Variants in BIRC6 observed in about 807,000 individuals in gnomAD.
BIRC6 encodes the protein baculoviral IAP repeat containing 6, also known as dual E2 ubiquitin-conjugating enzyme/E3 ubiquitin-protein ligase BIRC6.
A neutral mutation model predicts 503.3 loss-of-function variants in BIRC6; 98 were observed. That is an observed-to-expected ratio of 0.19 (90% CI 0.17 to 0.23). BIRC6 has a LOEUF of 0.23. Ranked by LOEUF, BIRC6 falls within the 10% of genes least tolerant of loss-of-function variation. The pLI is 1.00. For missense variants in BIRC6, 5,360 were observed against 5,806.0 expected (o/e 0.92, Z 2.50); for synonymous variants, 2,240 against 2,078.7 (o/e 1.08, Z -2.11).
chr2:32,467,533 A>C lies in BIRC6; in HGVS notation c.5365A>C (p.Arg1789=). The C allele has an allele frequency of 6.2e-7, 1 of 1,613,766 alleles. No homozygotes were observed. The highest frequency in any genetic ancestry group is 2.2e-5 in the East Asian group (1 of 44,854). Residue 1789 remains arginine, a synonymous_variant, in exon 27 of 74, where the codon AGA becomes CGA. Coordinates refer to ENST00000421745, the MANE Select transcript of BIRC6 (RefSeq NM_016252.4). ...IIERMHSGAR[R]FVTLDFGRPI... ...TCTTCTTTCTCTCATAGGAGCAAGAAGATTTGTGACCTTGGATTTTGGGAG... is the reference window on the plus strand; with the variant it reads ...TCTTCTTTCTCTCATAGGAGCAAGACGATTTGTGACCTTGGATTTTGGGAG...
chr2:32,464,453 C>T (rs1247137725), intron 24 of BIRC6, 56 bp from the exon 25 acceptor site: 9 of 1,475,486 alleles, frequency 6.1e-6, no homozygotes, highest in Non-Finnish European at 8.1e-6. Context: ...TGGTATTCTG[C>T]CACAATTTAG....
chr2:32,383,193 C>T (rs764641946), intron 3 of BIRC6, among the ~76,000 whole-genome samples: 132 of 151,418 alleles, frequency 8.7e-4, no homozygotes, highest in South Asian at 1.5e-3. Context: ...ATTACAGGCG[C>T]GTGCCACCAC....
At chr2:32,550,396 C>T (rs563842886) in intron 65 of BIRC6, among the ~76,000 whole-genome samples, 2 of 152,102 alleles carry the variant, frequency 1.3e-5, no homozygotes, top group East Asian at 1.9e-4. Context: ...TTTAAAAATA[C>T]GCTATTTCCC....
rs563548642 is a variant in BIRC6, at chr2:32,599,200, A to G, written c.13831-539A>G. Among the ~76,000 whole-genome samples the G allele has an allele frequency of 3.3e-3, 496 of 151,584 alleles. 4 individuals are homozygous for G. Among genetic ancestry groups the G allele is most frequent in the African/African-American group, 0.011 (467 of 41,334 alleles). On this transcript the variant is annotated intron_variant, in intron 69 of 73. Transcript: ENST00000421745. ...AAAAATTAGCCAGGCATGGTGGTGC[A>G]TGCCTGTAATCTCAGCTACTCGGGA...
chr2:32,396,264 C>T (rs756477293), intron 6 of BIRC6, among the ~76,000 whole-genome samples: 54 of 152,112 alleles, frequency 3.6e-4, no homozygotes, highest in Non-Finnish European at 5.7e-4. Flanking sequence ...TCCAGTTTAA[C>T]CTTTACAGTC....
chr2:32,520,785 C>T (rs896109054), intron 57 of BIRC6, among the ~76,000 whole-genome samples: 1 of 152,168 alleles, frequency 6.6e-6, no homozygotes, highest in African/African-American at 2.4e-5. Context: ...CCACTGCACT[C>T]CAGCCTGGAC....
intron 66 of BIRC6, among the ~76,000 whole-genome samples, chr2:32,588,887 TAGC>T (rs1449515915): frequency 6.6e-6 from 1 of 152,218 alleles, no homozygotes; most frequent in Non-Finnish European, 1.5e-5. Context: ...TGGGACCCTT[TAGC>T]ATTTACAAGT....
At chr2:32,469,107 A>T (rs922795144) in intron 29 of BIRC6, among the ~76,000 whole-genome samples, 8 of 152,226 alleles carry the variant, frequency 5.3e-5, no homozygotes, top group African/African-American at 1.9e-4. Context: ...ATCATTTTCT[A>T]GCCAGGAGGT....
chr2:32,491,688 G>C (rs985367128), intron 44 of BIRC6, 130 bp downstream of exon 44: 1 of 1,029,050 alleles, frequency 9.7e-7, no homozygotes, highest in Non-Finnish European at 1.3e-6. Flanking sequence ...TAATAAAAAA[G>C]GTTTTGTTAT....
intron 1 of BIRC6, among the ~76,000 whole-genome samples, chr2:32,363,327 A>G (rs2034403178): frequency 6.6e-6 from 1 of 151,858 alleles, no homozygotes; most frequent in Non-Finnish European, 1.5e-5. Flanking sequence ...GTCTCAAACA[A>G]ACAAACAAAA....
At chr2:32,565,681 C>T (rs535475785) in intron 65 of BIRC6, 1 of 152,238 alleles carries the variant, frequency 6.6e-6, no homozygotes, top group South Asian at 2.1e-4. Flanking sequence ...CTGCCTGAGA[C>T]TGGGTGAATT....
At chr2:32,468,165 G>C in intron 28 of BIRC6, 54 bp downstream of exon 28, 1 of 1,520,270 alleles carries the variant, frequency 6.6e-7, no homozygotes, top group African/African-American at 1.4e-5. Context: ...TTTATATAAT[G>C]TCTTGCTTAT....
intron 45 of BIRC6, among the ~76,000 whole-genome samples, chr2:32,496,653 T>C (rs976958428): frequency 7.2e-5 from 11 of 152,218 alleles, no homozygotes; most frequent in African/African-American, 2.2e-4. Flanking sequence ...CTTTGTTCTT[T>C]ATTTTTAGAG....
rs114145626 is a variant in BIRC6 at position 32,591,036 on chromosome 2, T to C, written c.13356-2879T>C. Reference sequence around the variant, plus strand: ...ATGGGTTGACAGTAACCTGCAACTTTTATAGAAAAGAGACTACTGGCTATA... The same window carrying C: ...ATGGGTTGACAGTAACCTGCAACTTCTATAGAAAAGAGACTACTGGCTATA... On this transcript the variant is annotated intron_variant, in intron 66 of 73. Transcript: ENST00000421745. The C allele has an allele frequency of 1.6e-5, 15 of 937,724 alleles. No individual in the cohort carries two copies. The African/African-American group carries it at 2.7e-4, about 17-fold the overall frequency. 58.1% of individuals were successfully genotyped at this position (937,724 alleles called of 1,614,324 possible).
At chr2:32,412,853 C>G (rs1421522620) in intron 9 of BIRC6, among the ~76,000 whole-genome samples, 1 of 151,998 alleles carries the variant, frequency 6.6e-6, no homozygotes, top group East Asian at 1.9e-4. Context: ...GTAGTATTCT[C>G]TCTTTGGTTT....
intron 56 of BIRC6, among the ~76,000 whole-genome samples, chr2:32,518,606 T>G (rs970965895): frequency 6.6e-6 from 1 of 152,154 alleles, no homozygotes; most frequent in Non-Finnish European, 1.5e-5. Context: ...GCCTGAGAAG[T>G]ATAGTTTGAT....
rs79652212 is a variant in BIRC6, at chr2:32,515,824, C to T, written c.11349+54C>T. 1,181 of 1,472,620 alleles carry T rather than the reference C, an allele frequency of 8.0e-4. 8 individuals are homozygous for T. The African/African-American group carries it at 0.014, about 18-fold the overall frequency. The allele number at this position is 1,472,620 out of a possible 1,614,324, so 91.2% of individuals were successfully genotyped here. A position where few individuals can be genotyped will look rare whatever the true frequency, so the allele number is the denominator to read the frequency against. ...GTTGTTTTATTACATAAGAAAGGGC[C>T]ATGTATAAAGGCCAGGTAATAATAA... is the stretch of plus-strand genomic sequence containing the variant. On this transcript the variant is annotated intron_variant, in intron 55 of 73. Transcript: ENST00000421745.
At chr2:32,487,036 A>C (rs531061627) in intron 40 of BIRC6, among the ~76,000 whole-genome samples, 1 of 152,238 alleles carries the variant, frequency 6.6e-6, no homozygotes, top group East Asian at 1.9e-4. Flanking sequence ...AAAAAAGAAA[A>C]TCTGTTTGAA....
intron 68 of BIRC6, 116 bp downstream of exon 68, chr2:32,595,260 T>C (rs970885839): frequency 9.6e-6 from 6 of 623,900 alleles, no homozygotes; most frequent in Admixed American, 7.1e-5. Flanking sequence ...ACATGAATTT[T>C]ACTTCATACA....
Sources: allele counts gnomAD v4.1 joint callset (sites outside exome capture counted in the v4.1 genomes callset), GRCh38; gene constraint gnomAD v4.1.1; transcripts MANE v1.5; gene names NCBI Gene and HGNC (gene_info 2026-07-23, HGNC 2026-07-21).